Variants in TLE6 observed in about 807,000 individuals in gnomAD.
TLE6 encodes transducin-like enhancer protein 6.
A neutral mutation model predicts 77.1 loss-of-function variants in TLE6; 72 were observed. That is an observed-to-expected ratio of 0.93 (90% CI 0.77 to 1.14). The LOEUF (loss-of-function observed/expected upper bound fraction) is 1.14, where lower values mean the gene tolerates loss of function less well. Among genes scored for constraint, TLE6 ranks in the 50% most tolerant of loss-of-function variants. The probability of loss-of-function intolerance (pLI) is 0.00; values close to 1 mark genes in which losing one functional copy is unlikely to be tolerated. For missense variants in TLE6, 843 were observed against 747.6 expected, an observed-to-expected ratio of 1.13 and a Z score of -1.49; for synonymous variants, 366 against 287.3, an observed-to-expected ratio of 1.27 and a Z score of -2.77.
In TLE6 at chr19:2,991,896, A is replaced by G. The variant is rs2089074879; in HGVS notation, c.1298A>G (p.Asn433Ser). The G allele has an allele frequency of 6.2e-7, 1 of 1,613,886 alleles. No individual in the cohort carries two copies. The change falls in exon 14 of 17, where the codon AAC becomes AGC. Residue 433 changes from asparagine (N) to serine (S), a missense_variant. Transcript: ENST00000246112. ...AAGAGTATCGTGGTCAAGGGCTACAACATCTGGACTGGGGGTCCGGATGCC... is the reference window on the plus strand; with the variant it reads ...AAGAGTATCGTGGTCAAGGGCTACAGCATCTGGACTGGGGGTCCGGATGCC... ...GVKSIVVKGY[N>S]IWTGGPDACL...
chr19:2,986,815 C>A lies in TLE6; in HGVS notation c.223-14C>A. 6.4e-7 allele frequency: 1 copy of A among 1,551,504 alleles called. No homozygotes were observed. The highest frequency in any genetic ancestry group is 8.7e-7 in the Non-Finnish European group (1 of 1,146,900). On this transcript the variant is annotated splice_polypyrimidine_tract_variant and intron_variant, in intron 5 of 16. Coordinates refer to ENST00000246112, the MANE Select transcript of TLE6 (RefSeq NM_001143986.2). ...CAACAACATTTAACTGTTTTGCTGC[C>A]AACCTCCTTCTAGATAGGAAACGTC...
At position 2,993,445 on chromosome 19, in the gene TLE6, C is replaced by T; in HGVS notation, c.1400C>T (p.Ser467Phe). 1 of 1,601,864 alleles carries T rather than the reference C, an allele frequency of 6.2e-7. No homozygotes were observed. Among genetic ancestry groups the T allele is most frequent in the Non-Finnish European group, 8.5e-7 (1 of 1,170,670 alleles). ...YQFKSQIMSL[S>F]HSPQEDWVLL... ...CCCATTACCTAGATAATGAGCCTGT[C>T]CCACAGCCCCCAGGAGGACTGGGTG... is the stretch of plus-strand genomic sequence containing the variant. The change falls in exon 15 of 17, where the codon TCC becomes TTC. Residue 467 changes from serine (S) to phenylalanine (F), a missense_variant. Coordinates refer to ENST00000246112, the MANE Select transcript of TLE6 (RefSeq NM_001143986.2).
chr19:2,988,796 A>G (rs1261667472), intron 11 of TLE6, among the ~76,000 whole-genome samples: 2 of 152,174 alleles, frequency 1.3e-5, no homozygotes, highest in Admixed American at 6.6e-5. Flanking sequence ...CATAATAGCT[A>G]GGACCATAAA....
At chr19:2,981,470 G>T (rs2088796234) in intron 3 of TLE6, 68 bp from the exon 4 acceptor site, 3 of 1,517,518 alleles carry the variant, frequency 2.0e-6, no homozygotes, top group African/African-American at 1.4e-5. Flanking sequence ...GGGGTTGAGG[G>T]TGGGGCTCAC....
Position 2,994,908 on chromosome 19 carries a change from G to T in TLE6, c.1623G>T (p.Glu541Asp). 6.3e-7 allele frequency: 1 copy of T among 1,598,276 alleles called. No individual in the cohort carries two copies. The highest frequency in any genetic ancestry group is 1.1e-5 in the South Asian group (1 of 88,550). The part of the protein sequence containing the change: ...PAGTKVFEVP[E>D]MSPVTCCDVS... ...CACTGCCCCCCCTCCAGGTGCCTGAGATGTCTCCAGTCACGTGCTGTGACG... is the reference window on the plus strand; with the variant it reads ...CACTGCCCCCCCTCCAGGTGCCTGATATGTCTCCAGTCACGTGCTGTGACG... The change falls in exon 17 of 17, where the codon GAG becomes GAT. Residue 541 changes from glutamate (E) to aspartate (D), a missense_variant. Coordinates refer to ENST00000246112, the MANE Select transcript of TLE6 (RefSeq NM_001143986.2).
chr19:2,994,761 A>G, intron 16 of TLE6, 139 bp from the exon 17 acceptor site: 1 of 506,970 alleles, frequency 2.0e-6, no homozygotes, highest in Non-Finnish European at 3.5e-6. Context: ...CTGAGATTGC[A>G]CCACTGCACT....
chr19:2,978,093 A>T (rs763443763), intron 1 of TLE6, 105 bp from the exon 2 acceptor site: 19 of 798,746 alleles, frequency 2.4e-5, no homozygotes, highest in Non-Finnish European at 3.9e-5. Context: ...GGGTCCCTGG[A>T]GACTTACCAA....
At chr19:2,990,813 C>T (rs2089033545) in intron 13 of TLE6, among the ~76,000 whole-genome samples, 2 of 149,618 alleles carry the variant, frequency 1.3e-5, no homozygotes, top group South Asian at 4.2e-4. Flanking sequence ...CCAGCCTGGC[C>T]AACATGGCGA....
intron 2 of TLE6, among the ~76,000 whole-genome samples, chr19:2,978,566 G>A (rs528773551): frequency 8.5e-5 from 13 of 152,204 alleles, no homozygotes; most frequent in South Asian, 6.2e-4. Flanking sequence ...CCTGGACAAC[G>A]TAGTGAGACC....
chr19:2,993,940 AAAG>A (rs1354122565), intron 15 of TLE6, 76 bp from the exon 16 acceptor site: 14 of 942,760 alleles, frequency 1.5e-5, no homozygotes, highest in African/African-American at 1.3e-4. Flanking sequence ...AAAAAAAAAA[AAAG>A]GTGGGTGGGG....
At chr19:2,990,698 T>A (rs1008208542) in intron 13 of TLE6, among the ~76,000 whole-genome samples, 3 of 131,908 alleles carry the variant, frequency 2.3e-5, no homozygotes, top group Admixed American at 1.5e-4. Context: ...TATACATAAA[T>A]ATATACATAT....
intron 5 of TLE6, among the ~76,000 whole-genome samples, chr19:2,985,194 G>C (rs2088881545): frequency 6.6e-6 from 1 of 151,946 alleles, no homozygotes; most frequent in African/African-American, 2.4e-5. Flanking sequence ...AGGTTACAGT[G>C]AGCAGAGGTG....
At chr19:2,978,009 C>T (rs535913656) in intron 1 of TLE6, among the ~76,000 whole-genome samples, 189 bp from the exon 2 acceptor site, 4 of 152,156 alleles carry the variant, frequency 2.6e-5, no homozygotes, top group African/African-American at 9.6e-5. Flanking sequence ...TCCCCGCCCC[C>T]ATGAATCTGG....
At chr19:2,990,556 A>G (rs1028759629) in intron 13 of TLE6, among the ~76,000 whole-genome samples, 168 of 150,358 alleles carry the variant, frequency 1.1e-3, no homozygotes, top group Non-Finnish European at 2.2e-3. Flanking sequence ...GTGAGCCGAG[A>G]TCTGTGCCAC....
chr19:2,989,376 G>T, intron 12 of TLE6, 63 bp downstream of exon 12: 1 of 1,599,532 alleles, frequency 6.3e-7, no homozygotes, highest in South Asian at 1.1e-5. Context: ...TGAGGTTTGA[G>T]TCTGGCAGAG....
chr19:2,992,448 C>T (rs1049676149), intron 14 of TLE6, among the ~76,000 whole-genome samples: 15 of 151,844 alleles, frequency 9.9e-5, no homozygotes, highest in East Asian at 7.8e-4. Context: ...CTCCAGGCTG[C>T]GCAATAAGAG....
Position 2,994,944 on chromosome 19 carries a change from C to T in TLE6, c.1659C>T (p.Asn553=), listed in dbSNP as rs745449857. The T allele has an allele frequency of 1.2e-5, 19 of 1,608,878 alleles. No homozygotes were observed. The highest frequency in any genetic ancestry group is 1.6e-5 in the Non-Finnish European group (19 of 1,177,958). The part of the protein sequence containing the change: ...SPVTCCDVSS[N]NRLVVTGSGE... ...TCACGTGCTGTGACGTCTCTTCCAA[C>T]AACCGCCTCGTTGTCACAGGCTCCG... Residue 553 remains asparagine (N), a synonymous_variant, in exon 17 of 17, where the codon AAC becomes AAT. Transcript: ENST00000246112.
At chr19:2,979,698 T>C (rs1335099445) in intron 2 of TLE6, among the ~76,000 whole-genome samples, 2 of 150,734 alleles carry the variant, frequency 1.3e-5, no homozygotes, top group Non-Finnish European at 3.0e-5. Flanking sequence ...TCCAGCACTT[T>C]AGGAGGCCGA....
intron 16 of TLE6, 45 bp from the exon 17 acceptor site, chr19:2,994,853 GGT>G: frequency 9.0e-7 from 1 of 1,108,312 alleles, no homozygotes; most frequent in Non-Finnish European, 1.3e-6. Context: ...GGAGACCAGG[GGT>G]GTGTGAGCCC....
Sources: allele counts gnomAD v4.1 joint callset (sites outside exome capture counted in the v4.1 genomes callset), GRCh38; gene constraint gnomAD v4.1.1; transcripts MANE v1.5; gene names NCBI Gene and HGNC (gene_info 2026-07-23, HGNC 2026-07-21).